WDR72: variants seen among roughly 807,000 people sequenced by gnomAD.
The protein encoded by WDR72 is WD repeat domain 72.
Under a neutral mutation model 124.2 loss-of-function variants are expected in WDR72, and 120 were observed. The ratio of observed to expected loss-of-function variants is 0.97; its 90% CI spans 0.83 to 1.12. WDR72 has a LOEUF of 1.12. WDR72 is among the 50% of genes most tolerant of loss of function. The pLI, the probability that WDR72 is intolerant of heterozygous loss-of-function variation, is 0.00. For missense variants in WDR72, 1,387 were observed against 1,278.8 expected, an observed-to-expected ratio of 1.08 and a Z score of -1.29; for synonymous variants, 452 against 441.7, an observed-to-expected ratio of 1.02 and a Z score of -0.29.
chr15:53,535,548 T>C (rs1454690253), intron 18 of WDR72, among the ~76,000 whole-genome samples: 2 of 152,220 alleles, frequency 1.3e-5, no homozygotes, highest in East Asian at 1.9e-4. Flanking sequence ...TCAAACCTAG[T>C]ACAGCACTGT....
intron 13 of WDR72, among the ~76,000 whole-genome samples, chr15:53,674,744 T>C (rs2016107212): frequency 1.3e-5 from 2 of 152,338 alleles, no homozygotes; most frequent in African/African-American, 4.8e-5. Flanking sequence ...ATCAATCTTC[T>C]GTACCTTAAG....
At position 53,705,128 on chromosome 15, in the gene WDR72, C is replaced by A. The variant is rs2017311762; in HGVS notation, c.1208G>T (p.Gly403Val). ...DYFSGLKDGA[G>V]TAVVTSSEYI... ...CTCTGATGAAGTGACTACAGCAGTTCCTGCCCCATCTTTAAGCCCAGAGAA... is the reference window on the plus strand; with the variant it reads ...CTCTGATGAAGTGACTACAGCAGTTACTGCCCCATCTTTAAGCCCAGAGAA... The change falls in exon 11 of 20, where the codon GGA becomes GTA. Residue 403 changes from glycine (G) to valine (V), a missense_variant. Coordinates refer to ENST00000360509, the MANE Select transcript of WDR72 (RefSeq NM_182758.4). 1 of 1,614,102 alleles carries A rather than the reference C, an allele frequency of 6.2e-7. No individual in the cohort carries two copies. Among genetic ancestry groups the A allele is most frequent in the Middle Eastern group, 1.7e-4 (1 of 6,060 alleles).
At chr15:53,574,295 C>T (rs780676618) in intron 18 of WDR72, among the ~76,000 whole-genome samples, 6 of 152,192 alleles carry the variant, frequency 3.9e-5, no homozygotes, top group Admixed American at 3.3e-4. Context: ...AGTTCCCACA[C>T]ATAGACAATG....
At chr15:53,743,616 A>C (rs988491375) in intron 1 of WDR72, among the ~76,000 whole-genome samples, 2 of 152,202 alleles carry the variant, frequency 1.3e-5, no homozygotes, top group African/African-American at 4.8e-5. Flanking sequence ...AATGTTCCAA[A>C]TCATTAGGAT....
Position 53,516,810 on chromosome 15 carries a change from T to C in WDR72, c.*889A>G, listed in dbSNP as rs1891487195. ...TCGAGGAACTGTACAATATAAATCA[T>C]AGTAAATAGATCACCAAAGGCTTTA... On this transcript the variant is annotated 3_prime_UTR_variant, in exon 20 of 20. Transcript: ENST00000360509. 1 of 152,134 alleles carries C rather than the reference T, an allele frequency of 6.6e-6. No individual in the cohort carries two copies. 9.4% of individuals were successfully genotyped at this position (152,134 alleles called of 1,614,324 possible).
At chr15:53,535,096 C>A (rs1892691889) in intron 18 of WDR72, among the ~76,000 whole-genome samples, 2 of 151,856 alleles carry the variant, frequency 1.3e-5, no homozygotes, top group African/African-American at 4.8e-5. Context: ...AAAAATAATT[C>A]TTGTGATCTT....
intron 14 of WDR72, among the ~76,000 whole-genome samples, chr15:53,665,337 T>C (rs1595831044): frequency 6.6e-6 from 1 of 152,184 alleles, no homozygotes. Flanking sequence ...AGGGTTAATA[T>C]AAAATTGACT....
chr15:53,683,643 T>A (rs1464601081), intron 13 of WDR72, among the ~76,000 whole-genome samples: 1 of 152,134 alleles, frequency 6.6e-6, no homozygotes, highest in Non-Finnish European at 1.5e-5. Flanking sequence ...AAAATAGATT[T>A]TAAAAACACA....
At chr15:53,758,729 C>T (rs1281831352) in intron 1 of WDR72, among the ~76,000 whole-genome samples, 2 of 123,974 alleles carry the variant, frequency 1.6e-5, no homozygotes. Flanking sequence ...GTGACCTAGT[C>T]TCCAATCGGT....
rs3081298 is a variant in WDR72 at position 53,638,580 on chromosome 15, C to CTTT, written c.1963-22340_1963-22338dup. Among the ~76,000 whole-genome samples, 116 of 125,830 alleles carry CTTT rather than the reference C, an allele frequency of 9.2e-4. 1 individual carries two copies. The highest frequency in any genetic ancestry group is 3.1e-3 in the African/African-American group (106 of 33,826). 82.5% of individuals were successfully genotyped at this position (125,830 alleles called of 152,430 possible). ...TTTTATATTTTCTCCTAATCACATT[C>CTTT]TTTTTTTTTTTTTTTTTTTTGGTAC... On this transcript the variant is annotated intron_variant, in intron 14 of 19. Transcript: ENST00000360509.
upstream of WDR72, among the ~76,000 whole-genome samples, chr15:53,760,624 A>G (rs1418648044): frequency 6.6e-6 from 1 of 152,184 alleles, no homozygotes; most frequent in Admixed American, 6.5e-5. Flanking sequence ...GCTATTGTGA[A>G]CAGTGCTGCA....
At chr15:53,632,152 C>A (rs900757259) in intron 14 of WDR72, among the ~76,000 whole-genome samples, 3 of 152,046 alleles carry the variant, frequency 2.0e-5, no homozygotes, top group African/African-American at 7.2e-5. Context: ...CCTGTAAGGA[C>A]TAAATGGTTT....
In WDR72 at chr15:53,597,139, T is replaced by C; in HGVS notation, c.3088A>G (p.Lys1030Glu). ...TCTAGTTCTTCTGTCCATTCCAGCT[T>C]TGGCAGCATCTGCTTCATCTCACAG... Reference protein sequence around the residue: ...GNCEMKQMLPKLEWTEELELQ... With the variant: ...GNCEMKQMLPELEWTEELELQ... Residue 1030 changes from lysine (K) to glutamate (E), a missense_variant, in exon 18 of 20, where the codon AAG (lysine) becomes GAG (glutamate). Transcript: ENST00000360509. 6.2e-7 allele frequency: 1 copy of C among 1,613,938 alleles called. No individual in the cohort carries two copies. The highest frequency in any genetic ancestry group is 8.5e-7 in the Non-Finnish European group (1 of 1,179,890).
In WDR72 at chr15:53,517,290, TA is replaced by T. The variant is rs1313082823; in HGVS notation, c.*408del. 5.7e-6 allele frequency: 1 copy of T among 175,840 alleles called. No individual in the cohort carries two copies. The highest frequency in any genetic ancestry group is 1.5e-4 in the East Asian group (1 of 6,622). 10.9% of individuals were successfully genotyped at this position (175,840 alleles called of 1,614,324 possible). A position where few individuals can be genotyped will look rare whatever the true frequency, so the allele number is the denominator to read the frequency against. ...TAGATTAAATACCTTGAAGCAGTAT[TA>T]AATTTGTAAGTAAGTATTGTGTACT... is the stretch of plus-strand genomic sequence containing the variant. On this transcript the variant is annotated 3_prime_UTR_variant, in exon 20 of 20. Coordinates refer to ENST00000360509, the MANE Select transcript of WDR72 (RefSeq NM_182758.4).
intron 13 of WDR72, among the ~76,000 whole-genome samples, chr15:53,676,568 C>T (rs1210405588): frequency 6.6e-6 from 1 of 152,184 alleles, no homozygotes; most frequent in Non-Finnish European, 1.5e-5. Context: ...TGGCCACAGC[C>T]AGCAAGGCCC....
chr15:53,694,542 C>T (rs998073637), intron 13 of WDR72, among the ~76,000 whole-genome samples: 1 of 152,282 alleles, frequency 6.6e-6, no homozygotes, highest in East Asian at 1.9e-4. Context: ...TGGCAGCCAT[C>T]TCCTTTCTTT....
chr15:53,625,345 A>C (rs999198278), intron 14 of WDR72, among the ~76,000 whole-genome samples: 3 of 152,234 alleles, frequency 2.0e-5, no homozygotes, highest in Non-Finnish European at 4.4e-5. Context: ...GTATTGCATC[A>C]TAGACAAGGT....
chr15:53,606,928 CTG>C (rs1566980568), intron 17 of WDR72, among the ~76,000 whole-genome samples: 1 of 152,118 alleles, frequency 6.6e-6, no homozygotes, highest in Admixed American at 6.6e-5. Context: ...GCCATTCCAA[CTG>C]TGTATATTTA....
chr15:53,703,291 G>T (rs759793911), intron 11 of WDR72, among the ~76,000 whole-genome samples: 3 of 152,156 alleles, frequency 2.0e-5, no homozygotes, highest in Admixed American at 6.5e-5. Context: ...TGCTTTGAAA[G>T]ATGTTAGACA....
Sources: gnomAD v4.1 joint callset for allele counts (sites outside exome capture counted in the v4.1 genomes callset) on GRCh38, gnomAD v4.1.1 for gene constraint, MANE v1.5 for transcripts, NCBI Gene and HGNC (gene_info 2026-07-23, HGNC 2026-07-21) for gene names.